Variants in CNTNAP2 observed in about 807,000 individuals in gnomAD.
The protein encoded by CNTNAP2 is contactin-associated protein-like 2.
CNTNAP2 carries 98 observed loss-of-function variants against 155.2 expected under a neutral mutation model. That is an observed-to-expected ratio of 0.63 (90% CI 0.54 to 0.75). The LOEUF (loss-of-function observed/expected upper bound fraction) is 0.75. Ranked by LOEUF, CNTNAP2 falls within the 30% of genes least tolerant of loss-of-function variation. The pLI is 0.00. For missense variants in CNTNAP2, 1,727 were observed against 1,688.1 expected, an observed-to-expected ratio of 1.02 and a Z score of -0.40; for synonymous variants, 651 against 631.2, an observed-to-expected ratio of 1.03 and a Z score of -0.47.
chr7:146,980,405 AG>A (rs1202693739), intron 3 of CNTNAP2, among the ~76,000 whole-genome samples: 1 of 152,198 alleles, frequency 6.6e-6, no homozygotes, highest in East Asian at 1.9e-4. Flanking sequence ...GTTGATTCTC[AG>A]GAGCAGAACA....
intron 3 of CNTNAP2, among the ~76,000 whole-genome samples, chr7:146,896,906 A>G (rs560499471): frequency 2.8e-4 from 43 of 152,220 alleles, no homozygotes; most frequent in Non-Finnish European, 5.0e-4. Context: ...AAATTTTAAG[A>G]TAACCAAACT....
rs556811165 is a variant in CNTNAP2, at chr7:146,315,370, G to T, written c.97+198397G>T. On this transcript the variant is annotated intron_variant, in intron 1 of 23. Coordinates refer to ENST00000361727, the MANE Select transcript of CNTNAP2 (RefSeq NM_014141.6). ...GTTGGGCATTATAGGTGTGGTGCAAGCCTGTTACCCCTCAGGAAGAAGCTG... is the reference window on the plus strand; with the variant it reads ...GTTGGGCATTATAGGTGTGGTGCAATCCTGTTACCCCTCAGGAAGAAGCTG... Among the ~76,000 whole-genome samples, 22 of 152,308 alleles carry T rather than the reference G, an allele frequency of 1.4e-4. No homozygotes were observed. In the South Asian group the frequency reaches 4.4e-3, roughly 30 times the overall value.
chr7:146,451,826 A>ATATATACACATATATATGTATACGTG (rs1563089124), intron 1 of CNTNAP2, among the ~76,000 whole-genome samples: 2 of 64,540 alleles, frequency 3.1e-5, no homozygotes, highest in African/African-American at 2.8e-4. Context: ...ATATATACGT[A>ATATATACACATATATATGTATACGTG]TATATATACA....
intron 3 of CNTNAP2, among the ~76,000 whole-genome samples, chr7:147,034,790 G>A (rs778562965): frequency 2.0e-5 from 3 of 152,092 alleles, no homozygotes; most frequent in African/African-American, 4.8e-5. Context: ...GGCTGAATCC[G>A]GTGTGCTTTT....
chr7:148,157,855 C>CA (rs969281022), intron 17 of CNTNAP2, among the ~76,000 whole-genome samples: 13 of 151,672 alleles, frequency 8.6e-5, no homozygotes, highest in South Asian at 4.2e-4. Context: ...CAAAATCTAG[C>CA]AAAAAAAATT....
chr7:147,519,381 T>C lies in CNTNAP2; in HGVS notation c.1777+33340T>C, dbSNP rs375379203. Among the ~76,000 whole-genome samples, 12 of 152,292 alleles carry C rather than the reference T, an allele frequency of 7.9e-5. No individual in the cohort carries two copies. In the East Asian group the frequency reaches 1.9e-3, roughly 25 times the overall value. The stretch of plus-strand genomic sequence containing the variant: ...ACTTGTTAAGATCCTTGTGTTTCTA[T>C]TGGGCCCATCTAAAAAATCTAAAAT... On this transcript the variant is annotated intron_variant, in intron 11 of 23. Coordinates refer to ENST00000361727, the MANE Select transcript of CNTNAP2 (RefSeq NM_014141.6).
intron 9 of CNTNAP2, among the ~76,000 whole-genome samples, chr7:147,327,547 G>T (rs1247561781): frequency 6.6e-6 from 1 of 152,038 alleles, no homozygotes; most frequent in African/African-American, 2.4e-5. Context: ...GAATAAAAAA[G>T]CAAAATGTCA....
intron 2 of CNTNAP2, among the ~76,000 whole-genome samples, chr7:146,830,407 T>A (rs1473916435): frequency 6.6e-6 from 1 of 152,122 alleles, no homozygotes; most frequent in East Asian, 1.9e-4. Flanking sequence ...TACACTGTTA[T>A]GTTCATTGTG....
At position 147,132,879 on chromosome 7, in the gene CNTNAP2, T is replaced by A. The variant is rs184521837; in HGVS notation, c.1348+370T>A. Reference sequence around the variant, plus strand: ...CTGGTATCTTTTCTCTTTATCAACATTCGTGTACCTTTTACTATTAGTAAC... The same window carrying A: ...CTGGTATCTTTTCTCTTTATCAACAATCGTGTACCTTTTACTATTAGTAAC... On this transcript the variant is annotated intron_variant, in intron 8 of 23. Coordinates refer to ENST00000361727, the MANE Select transcript of CNTNAP2 (RefSeq NM_014141.6). Among the ~76,000 whole-genome samples, 3 of 152,302 alleles carry A rather than the reference T, an allele frequency of 2.0e-5. No homozygotes were observed. The East Asian group carries it at 5.8e-4, about 29-fold the overall frequency.
chr7:147,476,231 G>C (rs965510344), intron 10 of CNTNAP2, among the ~76,000 whole-genome samples: 2 of 151,762 alleles, frequency 1.3e-5, no homozygotes, highest in Non-Finnish European at 2.9e-5. Context: ...TCAGCCTCCC[G>C]AGTAGCTGGG....
At chr7:147,585,761 TTG>T (rs1299552917) in intron 12 of CNTNAP2, among the ~76,000 whole-genome samples, 1 of 120,866 alleles carries the variant, frequency 8.3e-6, no homozygotes, top group African/African-American at 4.0e-5. Context: ...GTGTGTCTGT[TTG>T]TGTGTATATA....
At chr7:148,126,575 T>G (rs1804720538) in intron 16 of CNTNAP2, among the ~76,000 whole-genome samples, 1 of 152,180 alleles carries the variant, frequency 6.6e-6, no homozygotes, top group Non-Finnish European at 1.5e-5. Context: ...TTTTGTAGGT[T>G]GTATCAAAAG....
At chr7:146,716,175 A>G (rs344472) in intron 1 of CNTNAP2, among the ~76,000 whole-genome samples, 1 of 150,850 alleles carries the variant, frequency 6.6e-6, no homozygotes, top group Non-Finnish European at 1.5e-5. Context: ...CTGACCTGAG[A>G]ATTGTATGGC....
chr7:147,760,578 A>T (rs1030003716), intron 13 of CNTNAP2, among the ~76,000 whole-genome samples: 4 of 152,200 alleles, frequency 2.6e-5, no homozygotes, highest in African/African-American at 9.6e-5. Context: ...TGAGTTTTAC[A>T]ACTGTTTCAG....
chr7:146,141,313 T>C (rs1316681713), intron 1 of CNTNAP2, among the ~76,000 whole-genome samples: 1 of 152,198 alleles, frequency 6.6e-6, no homozygotes, highest in African/African-American at 2.4e-5. Flanking sequence ...AATGTTTACA[T>C]ATCAATATAT....
At chr7:147,588,141 T>A (rs181504274) in intron 12 of CNTNAP2, among the ~76,000 whole-genome samples, 6 of 152,104 alleles carry the variant, frequency 3.9e-5, no homozygotes, top group African/African-American at 1.4e-4. Context: ...AAATTATGAA[T>A]TTTTTTTGTA....
At chr7:146,515,748 G>A (rs1030764390) in intron 1 of CNTNAP2, among the ~76,000 whole-genome samples, 1 of 151,960 alleles carries the variant, frequency 6.6e-6, no homozygotes, top group Non-Finnish European at 1.5e-5. Flanking sequence ...GAAAACCACT[G>A]GTCCTATGGA....
intron 22 of CNTNAP2, among the ~76,000 whole-genome samples, chr7:148,401,402 G>A (rs535289728): frequency 3.9e-5 from 6 of 152,214 alleles, no homozygotes; most frequent in African/African-American, 4.8e-5. Flanking sequence ...CTTTACAAGT[G>A]CCCACAATAT....
chr7:146,748,172 G>A (rs1186264766), intron 1 of CNTNAP2, among the ~76,000 whole-genome samples: 15 of 127,018 alleles, frequency 1.2e-4, no homozygotes, highest in South Asian at 5.7e-4. Flanking sequence ...TTGAGAAGGC[G>A]TCTTGCTCTG....
Sources: gnomAD v4.1 joint callset for allele counts (sites outside exome capture counted in the v4.1 genomes callset) on GRCh38, gnomAD v4.1.1 for gene constraint, MANE v1.5 for transcripts, NCBI Gene and HGNC (gene_info 2026-07-23, HGNC 2026-07-21) for gene names.